Variants in NPAS2 observed in about 807,000 individuals in gnomAD.
NPAS2 encodes the protein neuronal PAS domain-containing protein 2.
Under a neutral mutation model 107.5 loss-of-function variants are expected in NPAS2, and 23 were observed. The ratio of observed to expected loss-of-function variants is 0.21; its 90% CI spans 0.15 to 0.30. NPAS2 has a LOEUF of 0.30. Among genes scored for constraint, NPAS2 ranks in the 10% least tolerant of loss-of-function variants. The pLI, the probability that NPAS2 is intolerant of heterozygous loss-of-function variation, is 1.00. For synonymous variants in NPAS2, 403 were observed against 417.5 expected (o/e 0.97, Z 0.42); for missense variants, 756 against 1,043.3 (o/e 0.72, Z 3.79).
At chr2:100,861,751 C>T (rs905130568) in intron 1 of NPAS2, among the ~76,000 whole-genome samples, 3 of 152,184 alleles carry the variant, frequency 2.0e-5, no homozygotes, top group Non-Finnish European at 4.4e-5. Flanking sequence ...CTTGTTTTCC[C>T]TTTGCAATGC....
At chr2:100,985,816 G>T (rs1194938038) in intron 16 of NPAS2, 1 of 152,016 alleles carries the variant, frequency 6.6e-6, no homozygotes, top group Admixed American at 6.6e-5. Context: ...GCTTTGAAAA[G>T]TTATTAAAAT....
chr2:100,903,258 A>G lies in NPAS2; in HGVS notation c.-22-1475A>G, dbSNP rs1453566481. The stretch of plus-strand genomic sequence containing the variant: ...CAGGCTTGGGGTAGGGCATCATTCA[A>G]TGAATTGACATAAAACTTTGAACAG... On this transcript the variant is annotated intron_variant, in intron 1 of 20. Transcript: ENST00000335681. Among the ~76,000 whole-genome samples, 7 of 152,326 alleles carry G rather than the reference A, an allele frequency of 4.6e-5. No homozygotes were observed. In the South Asian group the frequency reaches 8.3e-4, roughly 18 times the overall value.
intron 7 of NPAS2, among the ~76,000 whole-genome samples, chr2:100,954,769 G>A (rs1675464852): frequency 6.7e-6 from 1 of 148,802 alleles, no homozygotes; most frequent in Non-Finnish European, 1.5e-5. Context: ...GTTCCCAGGT[G>A]TGGTGACAGT....
rs114938610 is a variant in NPAS2, at chr2:100,949,776, A to G, written c.598+296A>G. 3.7e-3 allele frequency among the ~76,000 whole-genome samples: 561 copies of G among 152,326 alleles called. 4 individuals are homozygous for G. Among genetic ancestry groups the G allele is most frequent in the African/African-American group, 0.013 (545 of 41,568 alleles). On this transcript the variant is annotated intron_variant, in intron 7 of 20. Transcript: ENST00000335681. ...TTCTGTACTGTGAGAAACAACATAC[A>G]GGGAATAAAGAACAGGCTCTGCCAA...
At chr2:100,841,568 C>G (rs1327356503) in intron 1 of NPAS2, among the ~76,000 whole-genome samples, 1 of 152,128 alleles carries the variant, frequency 6.6e-6, no homozygotes, top group African/African-American at 2.4e-5. Context: ...TGCTGTGGGC[C>G]TGTGTAAAGT....
At chr2:100,825,011 T>C (rs1311058520) in intron 1 of NPAS2, among the ~76,000 whole-genome samples, 1 of 151,940 alleles carries the variant, frequency 6.6e-6, no homozygotes, top group Admixed American at 6.6e-5. Flanking sequence ...ATGGGAGCAG[T>C]GGTGGGGGCT....
chr2:100,954,664 C>CAAAAAAA (rs1194534141), intron 7 of NPAS2, among the ~76,000 whole-genome samples: 4 of 81,370 alleles, frequency 4.9e-5, no homozygotes, highest in Non-Finnish European at 5.2e-5. Context: ...AACTGTGTCT[C>CAAAAAAA]AAAAAAAAAA....
chr2:100,835,834 A>C (rs1213768329), intron 1 of NPAS2, among the ~76,000 whole-genome samples: 1 of 152,148 alleles, frequency 6.6e-6, no homozygotes, highest in Non-Finnish European at 1.5e-5. Flanking sequence ...GAAGTCACTC[A>C]GGGTCACCCC....
chr2:100,936,979 CAA>C (rs34968729), intron 4 of NPAS2, among the ~76,000 whole-genome samples: 3,404 of 74,524 alleles, frequency 0.046, 90 homozygotes, highest in African/African-American at 0.16. Context: ...GACTCCATCT[CAA>C]AAAAAAAAAA....
chr2:100,886,493 A>G (rs1423626121), intron 1 of NPAS2, among the ~76,000 whole-genome samples: 2 of 152,142 alleles, frequency 1.3e-5, no homozygotes, highest in Non-Finnish European at 2.9e-5. Context: ...GTTTTTTTGC[A>G]TTGTGATAGT....
At chr2:100,894,162 T>C (rs59574381) in intron 1 of NPAS2, among the ~76,000 whole-genome samples, 156 of 152,334 alleles carry the variant, frequency 1.0e-3, no homozygotes, top group African/African-American at 3.2e-3. Context: ...GAAAGAATGT[T>C]CTAAAGCCTT....
At chr2:100,842,081 G>GTGCGCGCGCACACACACACACA (rs1553441796) in intron 1 of NPAS2, among the ~76,000 whole-genome samples, 27 of 148,798 alleles carry the variant, frequency 1.8e-4, no homozygotes, top group African/African-American at 5.9e-4. Context: ...GCATGTACGC[G>GTGCGCGCGCACACACACACACA]CACACACACA....
chr2:100,838,568 A>G (rs1364235381), intron 1 of NPAS2, among the ~76,000 whole-genome samples: 1 of 152,146 alleles, frequency 6.6e-6, no homozygotes, highest in East Asian at 1.9e-4. Context: ...GTGAGCCACC[A>G]TGCCTGGCCT....
chr2:100,958,654 C>CT (rs1675722262), intron 7 of NPAS2, among the ~76,000 whole-genome samples: 1 of 152,152 alleles, frequency 6.6e-6, no homozygotes, highest in African/African-American at 2.4e-5. Flanking sequence ...AATGGTCAGG[C>CT]TTTTAAGCAA....
Position 100,995,399 on chromosome 2 carries a change from G to T in NPAS2, c.2293-1G>T. 6.2e-7 allele frequency: 1 copy of T among 1,603,052 alleles called. No individual in the cohort carries two copies. Among genetic ancestry groups the T allele is most frequent in the South Asian group, 1.1e-5 (1 of 89,484 alleles). On this transcript the variant is annotated splice_acceptor_variant, in intron 20 of 20. Coordinates refer to ENST00000335681, the MANE Select transcript of NPAS2 (RefSeq NM_002518.4). LOFTEE classifies it high-confidence loss of function. ...GAAGCCCTTTGTTCTTTTTTTTCTA[G>T]GTACAGGCACCAACCTCTTTGCACA... is the stretch of plus-strand genomic sequence containing the variant.
chr2:100,975,075 A>C, intron 13 of NPAS2, 131 bp downstream of exon 13: 1 of 919,746 alleles, frequency 1.1e-6, no homozygotes, highest in Non-Finnish European at 1.6e-6. Flanking sequence ...TGCAGTTTAT[A>C]CTCCTCCTTT....
intron 10 of NPAS2, among the ~76,000 whole-genome samples, chr2:100,966,394 G>T (rs772759933): frequency 2.0e-5 from 3 of 152,212 alleles, no homozygotes; most frequent in South Asian, 2.1e-4. Context: ...CTTACGATGT[G>T]GGGGAGTGAG....
At chr2:100,985,005 GGCT>G (rs1677697045) in intron 16 of NPAS2, 1 of 152,240 alleles carries the variant, frequency 6.6e-6, no homozygotes, top group Non-Finnish European at 1.5e-5. Context: ...CCCCCTCCAA[GGCT>G]GCCTCTTGCT....
intron 7 of NPAS2, among the ~76,000 whole-genome samples, chr2:100,954,025 G>A (rs1251688907): frequency 6.6e-6 from 1 of 152,240 alleles, no homozygotes; most frequent in Non-Finnish European, 1.5e-5. Context: ...GCCACACAGA[G>A]AAGCACCGGG....
Sources: gnomAD v4.1 joint callset for allele counts (sites outside exome capture counted in the v4.1 genomes callset) on GRCh38, gnomAD v4.1.1 for gene constraint, MANE v1.5 for transcripts, NCBI Gene and HGNC (gene_info 2026-07-23, HGNC 2026-07-21) for gene names.